Variants in TDRD7 observed in about 807,000 individuals in gnomAD.
TDRD7 encodes tudor domain-containing protein 7.
Under a neutral mutation model 109.8 loss-of-function variants are expected in TDRD7, and 47 were observed. The ratio of observed to expected loss-of-function variants is 0.43; its 90% CI spans 0.34 to 0.55. The LOEUF (loss-of-function observed/expected upper bound fraction) is 0.55. TDRD7 is among the 20% of genes least tolerant of loss of function. The probability of loss-of-function intolerance (pLI) is 0.03; values close to 1 mark genes in which losing one functional copy is unlikely to be tolerated. For synonymous variants in TDRD7, 424 were observed against 457.3 expected, an observed-to-expected ratio of 0.93 and a Z score of 0.93; for missense variants, 1,164 against 1,319.2, an observed-to-expected ratio of 0.88 and a Z score of 1.82.
chr9:97,495,793 C>G lies in TDRD7; in HGVS notation c.3207C>G (p.Val1069=), dbSNP rs1829387710. 12 of 1,614,034 alleles carry G rather than the reference C, an allele frequency of 7.4e-6. No homozygotes were observed. In the South Asian group the frequency reaches 9.9e-5, roughly 13 times the overall value. The part of the protein sequence containing the change: ...NANPWDRKVV[V]YLVDTSLPDT... ...ACCCTTGGGACCGGAAAGTAGTGGT[C>G]TACTTAGTGGACACATCGTTGCCAG... Residue 1069 remains valine, a synonymous_variant, in exon 17 of 17, where the codon GTC becomes GTG. Coordinates refer to ENST00000355295, the MANE Select transcript of TDRD7 (RefSeq NM_014290.3).
At chr9:97,454,751 C>T (rs1446392385) in intron 6 of TDRD7, among the ~76,000 whole-genome samples, 1 of 152,118 alleles carries the variant, frequency 6.6e-6, no homozygotes, top group Non-Finnish European at 1.5e-5. Context: ...CTCAAATCGA[C>T]ACCCTAACAT....
intron 1 of TDRD7, among the ~76,000 whole-genome samples, chr9:97,420,572 A>G (rs1251965839): frequency 1.3e-5 from 2 of 152,302 alleles, no homozygotes; most frequent in Middle Eastern, 3.4e-3. Flanking sequence ...TTCCTTTAGC[A>G]TAATATAAGA....
rs118079574 is a variant in TDRD7, at chr9:97,423,025, A to G, written c.-6-5435A>G. On this transcript the variant is annotated intron_variant, in intron 1 of 16. Transcript: ENST00000355295. ...GTCTTTGTATAGTTTTTGTATCAGC[A>G]TAATGCTTGCCTCATAAAATGAGTT... Among the ~76,000 whole-genome samples, 1,201 of 152,326 alleles carry G rather than the reference A, an allele frequency of 7.9e-3. 38 individuals carry two copies. In the East Asian group the frequency reaches 0.1, roughly 13 times the overall value.
At chr9:97,452,316 C>T (rs1428109852) in intron 6 of TDRD7, among the ~76,000 whole-genome samples, 1 of 152,192 alleles carries the variant, frequency 6.6e-6, no homozygotes, top group Non-Finnish European at 1.5e-5. Flanking sequence ...GAATATTTGC[C>T]TAAAGTGTTG....
At chr9:97,445,071 AT>A (rs1828376868) in intron 6 of TDRD7, among the ~76,000 whole-genome samples, 1 of 152,354 alleles carries the variant, frequency 6.6e-6, no homozygotes, top group South Asian at 2.1e-4. Context: ...ATTCACAACA[AT>A]GAGCCAGCTC....
At chr9:97,479,021 CCTTT>C (rs1319717097) in intron 13 of TDRD7, among the ~76,000 whole-genome samples, 1 of 151,518 alleles carries the variant, frequency 6.6e-6, no homozygotes, top group East Asian at 1.9e-4. Context: ...TTCGGCTGAT[CCTTT>C]CTTTATTCAT....
Position 97,472,391 on chromosome 9 carries a change from A to G in TDRD7, c.1840A>G (p.Ile614Val). ...AGTGGAAATACTTGACAAAGCTGAC[A>G]TTCCACTTGTTGTTCTGTACGATAC... is the stretch of plus-strand genomic sequence containing the variant. ...FAVEILDKAD[I>V]PLVVLYDTSG... The change falls in exon 10 of 17, where the codon ATT becomes GTT. Residue 614 changes from isoleucine to valine, a missense_variant. Transcript: ENST00000355295. The G allele has an allele frequency of 6.2e-7, 1 of 1,613,926 alleles. No individual in the cohort carries two copies. The highest frequency in any genetic ancestry group is 1.1e-5 in the South Asian group (1 of 91,084).
intron 1 of TDRD7, among the ~76,000 whole-genome samples, chr9:97,422,711 C>T (rs1010898174): frequency 6.7e-6 from 1 of 150,044 alleles, no homozygotes; most frequent in African/African-American, 2.4e-5. Context: ...CCATTTTATT[C>T]TAATATTCTG....
chr9:97,430,804 C>A (rs746490733), intron 2 of TDRD7, 129 bp from the exon 3 acceptor site: 2 of 1,085,048 alleles, frequency 1.8e-6, no homozygotes, highest in African/African-American at 1.5e-5. Context: ...AGGAGCGAGA[C>A]ACATGAATAT....
At chr9:97,458,132 G>T (rs1254924071) in intron 6 of TDRD7, among the ~76,000 whole-genome samples, 1 of 152,116 alleles carries the variant, frequency 6.6e-6, no homozygotes, top group Non-Finnish European at 1.5e-5. Flanking sequence ...AAGGAAAAAA[G>T]ATTATAATGA....
intron 6 of TDRD7, among the ~76,000 whole-genome samples, chr9:97,451,732 G>A (rs1039749815): frequency 2.6e-5 from 4 of 152,268 alleles, no homozygotes; most frequent in Non-Finnish European, 5.9e-5. Flanking sequence ...CTTGTAACTG[G>A]TGTCTGAAGA....
chr9:97,426,011 GTATT>G (rs1264817639), intron 1 of TDRD7, among the ~76,000 whole-genome samples: 1 of 152,154 alleles, frequency 6.6e-6, no homozygotes, highest in African/African-American at 2.4e-5. Context: ...ACAATGGTAA[GTATT>G]CGTGTATCTA....
chr9:97,441,564 C>G (rs1828305233), intron 5 of TDRD7, 94 bp from the exon 6 acceptor site: 2 of 1,189,376 alleles, frequency 1.7e-6, no homozygotes, highest in East Asian at 5.1e-5. Flanking sequence ...CAAGCCCACA[C>G]TATAGCAAAA....
intron 6 of TDRD7, among the ~76,000 whole-genome samples, chr9:97,456,981 AAAC>A (rs1480286607): frequency 6.6e-6 from 1 of 152,200 alleles, no homozygotes; most frequent in Non-Finnish European, 1.5e-5. Context: ...TACAAGAAAA[AAAC>A]AACCCCATCA....
intron 7 of TDRD7, 48 bp from the exon 8 acceptor site, chr9:97,464,791 TTTC>T (rs751085653): frequency 3.7e-6 from 6 of 1,607,772 alleles, no homozygotes; most frequent in Non-Finnish European, 5.1e-6. Flanking sequence ...TCCTATTGCT[TTTC>T]TTCTTCTAGG....
intron 14 of TDRD7, among the ~76,000 whole-genome samples, chr9:97,481,732 T>G (rs1043403640): frequency 6.6e-6 from 1 of 152,222 alleles, no homozygotes; most frequent in African/African-American, 2.4e-5. Flanking sequence ...AGCTACTCTT[T>G]AAGCTCCTAA....
intron 6 of TDRD7, among the ~76,000 whole-genome samples, chr9:97,457,403 G>A (rs1828637368): frequency 6.6e-6 from 1 of 151,482 alleles, no homozygotes; most frequent in East Asian, 1.9e-4. Flanking sequence ...TTTTGAGACA[G>A]AGTCTCAAAC....
At chr9:97,414,042 T>C (rs1252092661) in intron 1 of TDRD7, among the ~76,000 whole-genome samples, 3 of 152,256 alleles carry the variant, frequency 2.0e-5, no homozygotes, top group Non-Finnish European at 4.4e-5. Context: ...TGTCAAGTGC[T>C]GTTTTCAAGA....
Position 97,473,707 on chromosome 9 carries a change from A to G in TDRD7, c.2079+81A>G, listed in dbSNP as rs1340914047. ...AATTTACTAAATTGCATAAGTATGA[A>G]CAATTTTTTTTGTATGAACGATTTT... On this transcript the variant is annotated intron_variant, in intron 11 of 16. Coordinates refer to ENST00000355295, the MANE Select transcript of TDRD7 (RefSeq NM_014290.3). The G allele has an allele frequency of 9.4e-6, 15 of 1,594,996 alleles. No homozygotes were observed. The South Asian group carries it at 1.7e-4, about 18-fold the overall frequency.
Sources: gnomAD v4.1 joint callset for allele counts (sites outside exome capture counted in the v4.1 genomes callset) on GRCh38, gnomAD v4.1.1 for gene constraint, MANE v1.5 for transcripts, NCBI Gene and HGNC (gene_info 2026-07-23, HGNC 2026-07-21) for gene names.